The following KCNIP1 variants were observed in gnomAD, a reference collection of about 807,000 sequenced individuals.
KCNIP1 encodes the protein A-type potassium channel modulatory protein KCNIP1.
KCNIP1 carries 18 observed loss-of-function variants against 33.0 expected under a neutral mutation model. The observed-to-expected ratio is 0.55, with a 90% confidence interval of 0.38 to 0.81. The LOEUF (loss-of-function observed/expected upper bound fraction) is 0.81. KCNIP1 is among the 30% of genes least tolerant of loss of function. The pLI, the probability that KCNIP1 is intolerant of heterozygous loss-of-function variation, is 0.00. For synonymous variants in KCNIP1, 93 were observed against 98.3 expected (o/e 0.95, Z 0.32); for missense variants, 238 against 271.6 (o/e 0.88, Z 0.87).
At chr5:170,441,652 G>C (rs1191273663) in intron 1 of KCNIP1, among the ~76,000 whole-genome samples, 1 of 152,132 alleles carries the variant, frequency 6.6e-6, no homozygotes, top group Non-Finnish European at 1.5e-5. Flanking sequence ...TGGCTTTTGA[G>C]AGAAAATGTA....
In KCNIP1 at chr5:170,438,766, C is replaced by T. The variant is rs994684361; in HGVS notation, c.88+84802C>T. Among the ~76,000 whole-genome samples, 5 of 152,238 alleles carry T rather than the reference C, an allele frequency of 3.3e-5. No individual in the cohort carries two copies. The South Asian group carries it at 6.2e-4, about 19-fold the overall frequency. On this transcript the variant is annotated intron_variant, in intron 1 of 7. Coordinates refer to the KCNIP1 transcript ENST00000377360. ...CTAGAACACTCCCTGTATCTGACTT[C>T]GACATGTTTCTTCCTCCAGGAAGCC...
At chr5:170,470,855 G>A (rs1222823061) in intron 1 of KCNIP1, among the ~76,000 whole-genome samples, 1 of 152,218 alleles carries the variant, frequency 6.6e-6, no homozygotes, top group Non-Finnish European at 1.5e-5. Flanking sequence ...CCCTCAGCAA[G>A]AAACTTAGGA....
At chr5:170,488,949 AC>A (rs1307370648) in intron 1 of KCNIP1, among the ~76,000 whole-genome samples, 1 of 152,196 alleles carries the variant, frequency 6.6e-6, no homozygotes, top group East Asian at 1.9e-4. Context: ...GGGCCTGACT[AC>A]AGTGAGGTGT....
At chr5:170,469,916 A>G (rs924441717) in intron 1 of KCNIP1, among the ~76,000 whole-genome samples, 2 of 152,210 alleles carry the variant, frequency 1.3e-5, no homozygotes, top group African/African-American at 4.8e-5. Flanking sequence ...AATTCTTTCA[A>G]TAGAGCTTTT....
chr5:170,581,333 A>G (rs982715622), intron 1 of KCNIP1, among the ~76,000 whole-genome samples: 1 of 152,234 alleles, frequency 6.6e-6, no homozygotes, highest in East Asian at 1.9e-4. Context: ...TGAGCTCACA[A>G]TTAGTTCCAC....
At chr5:170,400,734 C>T (rs1754882422) in intron 1 of KCNIP1, among the ~76,000 whole-genome samples, 1 of 152,194 alleles carries the variant, frequency 6.6e-6, no homozygotes, top group South Asian at 2.1e-4. Flanking sequence ...CATTTCTTGT[C>T]CAAGGTCATG....
intron 1 of KCNIP1, among the ~76,000 whole-genome samples, chr5:170,508,580 C>G (rs183253815): frequency 2.0e-5 from 3 of 152,374 alleles, no homozygotes; most frequent in Non-Finnish European, 1.5e-5. Flanking sequence ...CAAGTCATTT[C>G]ACCTTGTAAA....
At chr5:170,354,165 G>A (rs528062638) in intron 1 of KCNIP1, among the ~76,000 whole-genome samples, 1 of 152,312 alleles carries the variant, frequency 6.6e-6, no homozygotes, top group Non-Finnish European at 1.5e-5. Context: ...AACTCAGCTG[G>A]CTGTAATTGC....
chr5:170,522,466 A>G (rs1265753891), intron 1 of KCNIP1, among the ~76,000 whole-genome samples: 1 of 152,184 alleles, frequency 6.6e-6, no homozygotes, highest in Non-Finnish European at 1.5e-5. Context: ...TGGCAGTTGC[A>G]TTTCTCATTG....
chr5:170,391,833 G>A (rs1353545494), intron 1 of KCNIP1, among the ~76,000 whole-genome samples: 1 of 152,148 alleles, frequency 6.6e-6, no homozygotes, highest in African/African-American at 2.4e-5. Context: ...TGAGGAATGA[G>A]AGATCACCTA....
intron 1 of KCNIP1, among the ~76,000 whole-genome samples, chr5:170,491,686 T>G (rs965592457): frequency 6.6e-6 from 1 of 152,194 alleles, no homozygotes; most frequent in Non-Finnish European, 1.5e-5. Flanking sequence ...CTGTGCTCAT[T>G]TGTGCCTCAC....
intron 1 of KCNIP1, among the ~76,000 whole-genome samples, chr5:170,520,050 C>T (rs185773547): frequency 2.0e-5 from 3 of 152,270 alleles, no homozygotes; most frequent in East Asian, 3.9e-4. Context: ...TAGTACCACC[C>T]TGCGACTCTA....
intron 1 of KCNIP1, among the ~76,000 whole-genome samples, chr5:170,683,601 T>G (rs974449304): frequency 1.3e-5 from 2 of 152,276 alleles, no homozygotes; most frequent in Non-Finnish European, 2.9e-5. Flanking sequence ...GAATACCACC[T>G]CCTAGTAGAT....
At chr5:170,691,206 A>C (rs1238728550) in intron 1 of KCNIP1, among the ~76,000 whole-genome samples, 1 of 152,238 alleles carries the variant, frequency 6.6e-6, no homozygotes, top group Non-Finnish European at 1.5e-5. Flanking sequence ...CTAGGACTCT[A>C]GAGCCAGCAG....
intron 1 of KCNIP1, among the ~76,000 whole-genome samples, chr5:170,511,797 T>C (rs541294834): frequency 6.6e-6 from 1 of 152,308 alleles, no homozygotes; most frequent in East Asian, 1.9e-4. Flanking sequence ...CAGAGCCTGG[T>C]TCTGGTTGAT....
chr5:170,390,450 G>C (rs1483323355), intron 1 of KCNIP1, among the ~76,000 whole-genome samples: 2 of 146,672 alleles, frequency 1.4e-5, no homozygotes, highest in Non-Finnish European at 3.0e-5. Flanking sequence ...AGGTTGCAGT[G>C]AGTCAAGATT....
At chr5:170,437,423 G>A (rs551541878) in intron 1 of KCNIP1, among the ~76,000 whole-genome samples, 8 of 152,306 alleles carry the variant, frequency 5.3e-5, no homozygotes, top group African/African-American at 9.6e-5. Context: ...GTCACTCAAC[G>A]GCCATGAATG....
intron 1 of KCNIP1, among the ~76,000 whole-genome samples, chr5:170,652,498 A>AGG (rs59160659): frequency 8.4e-4 from 87 of 103,034 alleles, no homozygotes; most frequent in African/African-American, 2.8e-3. Context: ...AAAAAAAAAA[A>AGG]AAGGAAGGAA....
chr5:170,503,658 A>C (rs2113230663), upstream of KCNIP1, among the ~76,000 whole-genome samples: 1 of 151,054 alleles, frequency 6.6e-6, no homozygotes, highest in Non-Finnish European at 1.5e-5. Flanking sequence ...ATTTCCCTTG[A>C]AGTCGAATGA....
Sources: allele counts gnomAD v4.1 joint callset (sites outside exome capture counted in the v4.1 genomes callset), GRCh38; gene constraint gnomAD v4.1.1; transcripts MANE v1.5; gene names NCBI Gene and HGNC (gene_info 2026-07-23, HGNC 2026-07-21).